SAMD5: variants seen among roughly 807,000 people sequenced by gnomAD.
The protein encoded by SAMD5 is sterile alpha motif domain containing 5.
SAMD5 carries 13 observed loss-of-function variants against 11.3 expected under a neutral mutation model. The observed-to-expected ratio is 1.15, with a 90% CI of 0.75 to 1.83. The LOEUF (loss-of-function observed/expected upper bound fraction) is 1.83. Ranked by LOEUF, SAMD5 falls within the 40% of genes most tolerant of loss-of-function variation. SAMD5 has a pLI of 0.00. For synonymous variants in SAMD5, 129 were observed against 111.3 expected (o/e 1.16, Z -1.00); for missense variants, 255 against 239.1 (o/e 1.07, Z -0.44).
the SAMD5 span, among the ~76,000 whole-genome samples, chr6:147,794,095 G>GA: frequency 3.3e-5 from 5 of 152,132 alleles, no homozygotes; most frequent in Middle Eastern, 6.8e-3. Context: ...ACACCAGTGG[G>GA]AAAAAATGCA....
the SAMD5 span, among the ~76,000 whole-genome samples, chr6:147,854,738 T>A: frequency 6.6e-6 from 1 of 152,160 alleles, no homozygotes; most frequent in African/African-American, 2.4e-5. Context: ...ACTAATTCCT[T>A]GGTACTAAAG....
chr6:147,646,526 T>G (rs2062988211), intron 1 of SAMD5, among the ~76,000 whole-genome samples: 1 of 152,202 alleles, frequency 6.6e-6, no homozygotes, highest in South Asian at 2.1e-4. Flanking sequence ...TGTACTGTAG[T>G]ATGCTAAACT....
the SAMD5 span, among the ~76,000 whole-genome samples, chr6:147,891,310 A>G: frequency 6.6e-6 from 1 of 152,274 alleles, no homozygotes; most frequent in East Asian, 1.9e-4. Flanking sequence ...ACATGGGGAA[A>G]ACTCATGCCA....
chr6:147,710,314 C>G (rs1243172691), intron 1 of SAMD5, among the ~76,000 whole-genome samples: 1 of 152,222 alleles, frequency 6.6e-6, no homozygotes, highest in Admixed American at 6.5e-5. Context: ...TATTCTTGGG[C>G]TCACTCTCTG....
chr6:147,667,505 A>C (rs1479641153), intron 1 of SAMD5, among the ~76,000 whole-genome samples: 1 of 152,218 alleles, frequency 6.6e-6, no homozygotes, highest in Non-Finnish European at 1.5e-5. Flanking sequence ...AGCCAAGGGC[A>C]GAACAGATTC....
the SAMD5 span, among the ~76,000 whole-genome samples, chr6:147,888,461 G>A: frequency 5.7e-3 from 861 of 152,144 alleles, 8 homozygotes; most frequent in African/African-American, 0.019. Flanking sequence ...GCATTTGCTC[G>A]TTATTTCAGT....
chr6:147,737,363 T>A, exon 2 of SAMD5: 1 of 1,268,048 alleles, frequency 7.9e-7, no homozygotes, highest in South Asian at 1.3e-5. Context: ...GTGCTGTTTA[T>A]TGGAGCTGTG....
chr6:147,892,851 A>T, the SAMD5 span, among the ~76,000 whole-genome samples: 1 of 152,196 alleles, frequency 6.6e-6, no homozygotes, highest in African/African-American at 2.4e-5. Flanking sequence ...ATTTAAAAAA[A>T]ATAATTGTAA....
chr6:147,937,291 T>C, the SAMD5 span, among the ~76,000 whole-genome samples: 1 of 152,214 alleles, frequency 6.6e-6, no homozygotes, highest in Non-Finnish European at 1.5e-5. Context: ...CTAAGAGATA[T>C]AGTCCAGGAA....
At chr6:147,888,807 C>A in the SAMD5 span, among the ~76,000 whole-genome samples, 1 of 151,626 alleles carries the variant, frequency 6.6e-6, no homozygotes, top group Non-Finnish European at 1.5e-5. Context: ...ATCACTTGAA[C>A]CCAGGAGGCA....
the SAMD5 span, among the ~76,000 whole-genome samples, chr6:147,783,861 T>C: frequency 6.6e-6 from 1 of 152,310 alleles, no homozygotes; most frequent in East Asian, 1.9e-4. Flanking sequence ...AGCTACTGAA[T>C]CAATGCTATT....
chr6:147,525,121 G>T (rs1360477930), intron 1 of SAMD5, among the ~76,000 whole-genome samples: 1 of 151,638 alleles, frequency 6.6e-6, no homozygotes, highest in African/African-American at 2.4e-5. Context: ...ATATGGTATA[G>T]GGAGTGGGTA....
chr6:147,754,259 G>T, the SAMD5 span, among the ~76,000 whole-genome samples: 1 of 151,278 alleles, frequency 6.6e-6, no homozygotes, highest in African/African-American at 2.4e-5. Context: ...GGGGTGAGCT[G>T]ATACCTCATT....
the SAMD5 span, among the ~76,000 whole-genome samples, chr6:147,811,378 A>G: frequency 6.6e-6 from 1 of 152,228 alleles, no homozygotes; most frequent in Admixed American, 6.5e-5. Flanking sequence ...ATAGCAGAAG[A>G]AAAGGTAAAA....
chr6:147,565,306 T>C lies in SAMD5; in HGVS notation c.*850T>C. On this transcript the variant is annotated 3_prime_UTR_variant, in exon 2 of 2. Coordinates refer to ENST00000367474, the MANE Select transcript of SAMD5 (RefSeq NM_001030060.3). ...CTCTCCAGGCTTCTGACTTCAGGCC[T>C]GTGGGGGCCGGGAGGTGGGCAGCGG... is the stretch of plus-strand genomic sequence containing the variant. 1 of 985,868 alleles carries C rather than the reference T, an allele frequency of 1.0e-6. No individual in the cohort carries two copies. Among genetic ancestry groups the C allele is most frequent in the Non-Finnish European group, 1.2e-6 (1 of 829,956 alleles). 61.1% of individuals were successfully genotyped at this position (985,868 alleles called of 1,614,324 possible).
intron 1 of SAMD5, among the ~76,000 whole-genome samples, chr6:147,521,912 G>T (rs1433999725): frequency 6.6e-6 from 1 of 151,996 alleles, no homozygotes; most frequent in Non-Finnish European, 1.5e-5. Context: ...TGCTCAATTT[G>T]TCATTTGCCT....
chr6:147,623,132 C>A (rs1198487202), intron 1 of SAMD5, among the ~76,000 whole-genome samples: 1 of 152,196 alleles, frequency 6.6e-6, no homozygotes, highest in Non-Finnish European at 1.5e-5. Flanking sequence ...GACCATCTAG[C>A]CTGGCTAAAT....
At chr6:147,899,378 C>T in the SAMD5 span, among the ~76,000 whole-genome samples, 2 of 152,044 alleles carry the variant, frequency 1.3e-5, no homozygotes, top group African/African-American at 4.8e-5. Context: ...TCTCAAACTG[C>T]ATGTCCTGGA....
chr6:147,640,002 C>T (rs140039621), intron 1 of SAMD5, among the ~76,000 whole-genome samples: 1,581 of 152,076 alleles, frequency 0.01, 50 homozygotes, highest in Admixed American at 0.06. Flanking sequence ...GTTCAGCTGC[C>T]GTCACACACA....
Sources: gnomAD v4.1 joint callset for allele counts (sites outside exome capture counted in the v4.1 genomes callset) on GRCh38, gnomAD v4.1.1 for gene constraint, MANE v1.5 for transcripts, NCBI Gene and HGNC (gene_info 2026-07-23, HGNC 2026-07-21) for gene names.